ITGA1: variants seen among roughly 807,000 people sequenced by gnomAD.
The protein encoded by ITGA1 is integrin subunit alpha 1.
ITGA1 carries 85 observed loss-of-function variants against 145.9 expected under a neutral mutation model. That is an observed-to-expected ratio of 0.58 (90% CI 0.49 to 0.70). The LOEUF (loss-of-function observed/expected upper bound fraction) is 0.70, where lower values mean the gene tolerates loss of function less well. Among genes scored for constraint, ITGA1 ranks in the 30% least tolerant of loss-of-function variants. ITGA1 has a pLI of 0.00. For missense variants in ITGA1, 1,351 were observed against 1,418.7 expected (o/e 0.95, Z 0.77); for synonymous variants, 520 against 495.3 (o/e 1.05, Z -0.66).
chr5:52,916,769 A>G (rs1750654760), intron 15 of ITGA1, among the ~76,000 whole-genome samples: 1 of 152,224 alleles, frequency 6.6e-6, no homozygotes, highest in East Asian at 1.9e-4. Context: ...ATATACTTCA[A>G]TTTTGTTTGA....
chr5:52,917,706 G>T (rs761004733), intron 15 of ITGA1, among the ~76,000 whole-genome samples: 1 of 151,630 alleles, frequency 6.6e-6, no homozygotes, highest in Non-Finnish European at 1.5e-5. Context: ...ATGTATGCAT[G>T]TGTGTACGTG....
At position 52,953,092 on chromosome 5, in the gene ITGA1, G is replaced by C. The variant is rs1335007622; in HGVS notation, c.*641G>C. The C allele has an allele frequency of 1.3e-5, 2 of 152,092 alleles. No homozygotes were observed. The highest frequency in any genetic ancestry group is 2.9e-5 in the Non-Finnish European group (2 of 68,024). 9.4% of individuals were successfully genotyped at this position (152,092 alleles called of 1,614,324 possible). ...GCAATTGAGCTAAAATTTTATCTAG[G>C]ATGGAAAATCAGGATAGACTCGTTT... On this transcript the variant is annotated 3_prime_UTR_variant, in exon 29 of 29. Transcript: ENST00000282588.
chr5:52,939,580 T>G lies in ITGA1; in HGVS notation c.3079-10T>G, dbSNP rs1281101199. ...GCATTGTCTGATAAATGTAATATTT[T>G]CATTTCTAGAATGCAAACTGCAGAC... On this transcript the variant is annotated splice_polypyrimidine_tract_variant and intron_variant, in intron 24 of 28. Coordinates refer to ENST00000282588, the MANE Select transcript of ITGA1 (RefSeq NM_181501.2). 5.1e-6 allele frequency: 8 copies of G among 1,556,338 alleles called. No individual in the cohort carries two copies. In the East Asian group the frequency reaches 1.8e-4, roughly 35 times the overall value.
intron 1 of ITGA1, among the ~76,000 whole-genome samples, chr5:52,843,247 T>C: frequency 6.6e-6 from 1 of 152,328 alleles, no homozygotes; most frequent in East Asian, 1.9e-4. Context: ...TCATTCCTTA[T>C]GTTAAAAATA....
At chr5:52,906,954 C>T (rs998436545) in intron 12 of ITGA1, among the ~76,000 whole-genome samples, 1 of 152,168 alleles carries the variant, frequency 6.6e-6, no homozygotes, top group African/African-American at 2.4e-5. Context: ...GACATAGCTT[C>T]CAGGGTGTCT....
intron 26 of ITGA1, among the ~76,000 whole-genome samples, chr5:52,942,394 A>G (rs1751066935): frequency 6.6e-6 from 1 of 152,116 alleles, no homozygotes; most frequent in Admixed American, 6.5e-5. Flanking sequence ...ATATTAAATG[A>G]AAGGTTTTTT....
At chr5:52,891,347 C>G (rs1750145259) in intron 8 of ITGA1, among the ~76,000 whole-genome samples, 1 of 142,528 alleles carries the variant, frequency 7.0e-6, no homozygotes, top group Non-Finnish European at 1.5e-5. Flanking sequence ...ATTGCCAATT[C>G]TTGAATTTCA....
chr5:52,857,780 C>T (rs780451637), intron 2 of ITGA1, among the ~76,000 whole-genome samples: 2 of 152,158 alleles, frequency 1.3e-5, no homozygotes, highest in South Asian at 4.1e-4. Context: ...CAACCATGCT[C>T]ATATCATGCT....
At position 52,955,589 on chromosome 5, in the gene ITGA1, A is replaced by C. The variant is rs1751292816; in HGVS notation, c.*3138A>C. On this transcript the variant is annotated 3_prime_UTR_variant, in exon 29 of 29. Coordinates refer to ENST00000282588, the MANE Select transcript of ITGA1 (RefSeq NM_181501.2). Reference sequence around the variant, plus strand: ...TAAAATGTTATGAACTTGCAGGAGAAGGAAGGAGTTGAAAGAAGGAAAATA... The same window carrying C: ...TAAAATGTTATGAACTTGCAGGAGACGGAAGGAGTTGAAAGAAGGAAAATA... The C allele has an allele frequency of 6.6e-6, 1 of 152,196 alleles. No individual in the cohort carries two copies. Among genetic ancestry groups the C allele is most frequent in the East Asian group, 1.9e-4 (1 of 5,204 alleles). 9.4% of individuals were successfully genotyped at this position (152,196 alleles called of 1,614,324 possible). A position where few individuals can be genotyped will look rare whatever the true frequency, so the allele number is the denominator to read the frequency against.
chr5:52,915,515 A>C lies in ITGA1; in HGVS notation c.1909A>C (p.Ile637Leu). The C allele has an allele frequency of 6.2e-7, 1 of 1,614,068 alleles. No homozygotes were observed. Among genetic ancestry groups the C allele is most frequent in the South Asian group, 1.1e-5 (1 of 91,076 alleles). ...GACACTGAAATTTTTTGGCCAGTCT[A>C]TCCACGGAGAAATGGATTTAAATGG... ...GKTLKFFGQS[I>L]HGEMDLNGDG... Residue 637 changes from isoleucine (I) to leucine (L), a missense_variant, in exon 15 of 29, where the codon ATC becomes CTC. Physicochemically the swap from Ile to Leu is conservative, Grantham distance 5. Transcript: ENST00000282588.
chr5:52,796,175 C>A (rs1748338019), intron 1 of ITGA1, among the ~76,000 whole-genome samples: 1 of 151,908 alleles, frequency 6.6e-6, no homozygotes, highest in African/African-American at 2.4e-5. Flanking sequence ...AGACTGAGTA[C>A]TGCCAAAAGT....
chr5:52,834,560 G>GCGAAAGAGAGAAGAAAGAA (rs1749127323), intron 1 of ITGA1, among the ~76,000 whole-genome samples: 1 of 130,690 alleles, frequency 7.7e-6, no homozygotes, highest in African/African-American at 2.9e-5. Context: ...GAAAGAGAGA[G>GCGAAAGAGAGAAGAAAGAA]AGAAAGAGAG....
chr5:52,904,650 T>G (rs755798341), intron 11 of ITGA1: 2 of 151,852 alleles, frequency 1.3e-5, no homozygotes, highest in Non-Finnish European at 2.9e-5. Flanking sequence ...GTCAGGAGAT[T>G]GAGACCATCC....
chr5:52,795,140 T>C (rs1444186266), intron 1 of ITGA1, among the ~76,000 whole-genome samples: 1 of 151,850 alleles, frequency 6.6e-6, no homozygotes, highest in Non-Finnish European at 1.5e-5. Flanking sequence ...TAAAGAAAAA[T>C]TAATAACCAT....
chr5:52,907,718 C>T (rs1400300729), intron 12 of ITGA1, among the ~76,000 whole-genome samples: 1 of 152,106 alleles, frequency 6.6e-6, no homozygotes, highest in African/African-American at 2.4e-5. Flanking sequence ...AGTAAAGCTG[C>T]TGGGCAAAAA....
intron 1 of ITGA1, among the ~76,000 whole-genome samples, chr5:52,791,535 C>A (rs1171012274): frequency 6.6e-6 from 1 of 152,144 alleles, no homozygotes; most frequent in Non-Finnish European, 1.5e-5. Flanking sequence ...TCCCATTGGC[C>A]ATCCCCAAAT....
At chr5:52,946,097 T>C (rs1222614908) in intron 27 of ITGA1, among the ~76,000 whole-genome samples, 3 of 152,228 alleles carry the variant, frequency 2.0e-5, no homozygotes, top group African/African-American at 7.2e-5. Context: ...TCTACATTCA[T>C]CCTAAAGGAA....
chr5:52,908,937 A>T lies in ITGA1; in HGVS notation c.1495A>T (p.Ile499Phe). 3.7e-6 allele frequency: 6 copies of T among 1,613,930 alleles called. No homozygotes were observed. The highest frequency in any genetic ancestry group is 5.1e-6 in the Non-Finnish European group (6 of 1,179,894). ...YFGSILTTTD[I>F]DKDSNTDILL... ...TGGCAGTATTTTAACAACAACTGACATTGACAAGGATTCTAATACTGACAT... is the reference window on the plus strand; with the variant it reads ...TGGCAGTATTTTAACAACAACTGACTTTGACAAGGATTCTAATACTGACAT... Residue 499 changes from isoleucine to phenylalanine, a missense_variant, in exon 13 of 29, where the codon ATT becomes TTT. Transcript: ENST00000282588.
chr5:52,863,478 G>A (rs1580068287), intron 3 of ITGA1, among the ~76,000 whole-genome samples: 1 of 150,948 alleles, frequency 6.6e-6, no homozygotes, highest in East Asian at 2.0e-4. Context: ...TAGGTTGGGG[G>A]TGGGTTAGGG....
Sources: gnomAD v4.1 joint callset for allele counts (sites outside exome capture counted in the v4.1 genomes callset) on GRCh38, gnomAD v4.1.1 for gene constraint, MANE v1.5 for transcripts, NCBI Gene and HGNC (gene_info 2026-07-23, HGNC 2026-07-21) for gene names.